RIN2: variants seen among roughly 807,000 people sequenced by gnomAD.
RIN2 encodes RAB5 interacting protein 2.
A neutral mutation model predicts 78.0 loss-of-function variants in RIN2; 36 were observed. The ratio of observed to expected loss-of-function variants is 0.46; its 90% CI spans 0.35 to 0.61. The LOEUF is 0.61. RIN2 is among the 20% of genes least tolerant of loss of function. RIN2 has a pLI of 0.00. For synonymous variants in RIN2, 466 were observed against 466.8 expected (o/e 1.00, Z 0.02); for missense variants, 1,087 against 1,159.7 (o/e 0.94, Z 0.91).
chr20:19,875,625 A>T (rs568745719), intron 2 of RIN2, among the ~76,000 whole-genome samples: 1 of 152,322 alleles, frequency 6.6e-6, no homozygotes, highest in Non-Finnish European at 1.5e-5. Flanking sequence ...ACAGATTAAA[A>T]ATTAAACTTT....
rs2043119833 is a variant in RIN2 at position 20,000,798 on chromosome 20, C to T, written c.2550C>T (p.Asp850=). 1 of 1,613,868 alleles carries T rather than the reference C, an allele frequency of 6.2e-7. No individual in the cohort carries two copies. The highest frequency in any genetic ancestry group is 1.7e-5 in the Admixed American group (1 of 60,000). Reference sequence around the variant, plus strand: ...AGACATGGCAGCAGCTGGCAGAGGACACTTACCCTCAAAAAATCAAGGCGG... The same window carrying T: ...AGACATGGCAGCAGCTGGCAGAGGATACTTACCCTCAAAAAATCAAGGCGG... The part of the protein sequence containing the change: ...VDETWQQLAE[D]TYPQKIKAEL... Residue 850 remains aspartate (D), a synonymous_variant, in exon 13 of 13, where the codon GAC becomes GAT. Transcript: ENST00000255006.
chr20:19,948,957 T>G (rs974464313), intron 4 of RIN2, among the ~76,000 whole-genome samples: 2 of 151,594 alleles, frequency 1.3e-5, no homozygotes, highest in African/African-American at 4.9e-5. Context: ...TACAGGCCAC[T>G]GCACCAGGCC....
chr20:19,900,211 T>A (rs1338532583), intron 3 of RIN2, among the ~76,000 whole-genome samples: 1 of 152,298 alleles, frequency 6.6e-6, no homozygotes, highest in African/African-American at 2.4e-5. Context: ...TGGCTGGGCA[T>A]CATGGCTCAT....
At chr20:19,947,307 G>T (rs761086642) in intron 4 of RIN2, among the ~76,000 whole-genome samples, 6 of 152,100 alleles carry the variant, frequency 3.9e-5, no homozygotes, top group Non-Finnish European at 5.9e-5. Flanking sequence ...AGGAGTTTGA[G>T]ACCAGCCTGG....
At chr20:19,897,256 G>T (rs563192944) in intron 3 of RIN2, among the ~76,000 whole-genome samples, 1 of 151,976 alleles carries the variant, frequency 6.6e-6, no homozygotes, top group African/African-American at 2.4e-5. Context: ...CAGATGAACC[G>T]CCACCATGCC....
Position 19,786,633 on chromosome 20 carries a change from A to T in RIN2, c.-162-12989A>T, listed in dbSNP as rs115226267. Among the ~76,000 whole-genome samples, 851 of 152,330 alleles carry T rather than the reference A, an allele frequency of 5.6e-3. 9 individuals carry two copies. Among genetic ancestry groups the T allele is most frequent in the African/African-American group, 0.02 (812 of 41,568 alleles). On this transcript the variant is annotated intron_variant, in intron 1 of 12. Coordinates refer to ENST00000255006, the MANE Select transcript of RIN2 (RefSeq NM_018993.4). ...AATAAAATGATTATTGTTTTAAGCCACTGAGTCTTGCGGTGACTAGTTATA... is the reference window on the plus strand; with the variant it reads ...AATAAAATGATTATTGTTTTAAGCCTCTGAGTCTTGCGGTGACTAGTTATA...
intron 3 of RIN2, among the ~76,000 whole-genome samples, chr20:19,925,172 A>G (rs1188893417): frequency 6.6e-6 from 1 of 151,532 alleles, no homozygotes; most frequent in Non-Finnish European, 1.5e-5. Context: ...GACAGAGCCA[A>G]CCCAGGGTAT....
At chr20:19,883,069 A>G (rs1438099015) in intron 2 of RIN2, among the ~76,000 whole-genome samples, 1 of 152,124 alleles carries the variant, frequency 6.6e-6, no homozygotes. Flanking sequence ...GGTCAACTGT[A>G]TGCAGACTTT....
intron 4 of RIN2, chr20:19,935,448 A>T (rs1445653339): frequency 9.5e-6 from 12 of 1,259,864 alleles, no homozygotes; most frequent in African/African-American, 1.5e-5. Context: ...GAACCCGGAA[A>T]CCTAAAATTG....
chr20:19,764,918 G>GTTTTTTGTTTTTTTTTTTTTTTTTT (rs2033806296), intron 1 of RIN2, among the ~76,000 whole-genome samples: 1 of 50,362 alleles, frequency 2.0e-5, no homozygotes, highest in African/African-American at 6.5e-5. Context: ...CACTTTCTGC[G>GTTTTTTGTTTTTTTTTTTTTTTTTT]TTTTTTTTTT....
intron 1 of RIN2, among the ~76,000 whole-genome samples, chr20:19,774,199 A>G (rs59599520): frequency 6.6e-6 from 1 of 152,168 alleles, no homozygotes. Context: ...CTAAAATGAC[A>G]TAAATATGAA....
intron 2 of RIN2, among the ~76,000 whole-genome samples, chr20:19,862,554 C>A (rs2037376233): frequency 1.3e-5 from 2 of 152,198 alleles, no homozygotes. Context: ...TATCGTGCCA[C>A]TGCACTCCAG....
chr20:19,876,327 C>T (rs956530335), intron 2 of RIN2, among the ~76,000 whole-genome samples: 39 of 152,196 alleles, frequency 2.6e-4, no homozygotes, highest in African/African-American at 8.2e-4. Context: ...CTTTTGCCTT[C>T]GACTGAAAGA....
At chr20:19,868,362 G>A (rs1015337182) in intron 2 of RIN2, among the ~76,000 whole-genome samples, 2 of 152,210 alleles carry the variant, frequency 1.3e-5, no homozygotes, top group African/African-American at 4.8e-5. Context: ...GAGTAACAGG[G>A]TAATTTTCCT....
chr20:19,784,639 A>G (rs866796399), intron 1 of RIN2, among the ~76,000 whole-genome samples: 9 of 152,322 alleles, frequency 5.9e-5, no homozygotes, highest in Admixed American at 1.3e-4. Flanking sequence ...ACAAAATTCT[A>G]CAGACTTCAA....
At chr20:19,812,701 G>T (rs759154121) in intron 2 of RIN2, among the ~76,000 whole-genome samples, 24 of 152,114 alleles carry the variant, frequency 1.6e-4, no homozygotes, top group Non-Finnish European at 2.9e-4. Flanking sequence ...TGGCATACTT[G>T]GGAATTGTTT....
At chr20:19,812,061 C>CT (rs10678963) in intron 2 of RIN2, among the ~76,000 whole-genome samples, 1,637 of 151,064 alleles carry the variant, frequency 0.011, 15 homozygotes, top group African/African-American at 0.023. Flanking sequence ...ATAGCTTGTT[C>CT]TTTTTTTTTA....
intron 8 of RIN2, among the ~76,000 whole-genome samples, chr20:19,974,097 C>T (rs1197482630): frequency 6.6e-6 from 1 of 152,188 alleles, no homozygotes; most frequent in Non-Finnish European, 1.5e-5. Context: ...TGTAGTTTTC[C>T]TCCTTTGGTG....
intron 1 of RIN2, among the ~76,000 whole-genome samples, chr20:19,758,656 A>T (rs996830375): frequency 4.6e-5 from 7 of 152,114 alleles, no homozygotes; most frequent in South Asian, 2.1e-4. Flanking sequence ...TGGAGGGTGC[A>T]GGCACTATGG....
Sources: allele counts gnomAD v4.1 joint callset (sites outside exome capture counted in the v4.1 genomes callset), GRCh38; gene constraint gnomAD v4.1.1; transcripts MANE v1.5; gene names NCBI Gene and HGNC (gene_info 2026-07-23, HGNC 2026-07-21).